BMAL1: variants seen among roughly 807,000 people sequenced by gnomAD.
BMAL1 encodes basic helix-loop-helix ARNT like 1, also known as basic helix-loop-helix ARNT-like protein 1.
chr11:13,286,527 C>G, the BMAL1 span, among the ~76,000 whole-genome samples: 433 of 152,242 alleles, frequency 2.8e-3, 1 homozygote, highest in African/African-American at 9.7e-3. Context: ...CTCACCATAG[C>G]AGGGAAACGT....
At chr11:13,375,681 C>T in the BMAL1 span, 1 of 1,604,096 alleles carries the variant, frequency 6.2e-7, no homozygotes, top group Non-Finnish European at 8.5e-7. Flanking sequence ...TCTTTTATCA[C>T]ACTACGGAGT....
chr11:13,317,188 A>G, the BMAL1 span, among the ~76,000 whole-genome samples: 1 of 152,242 alleles, frequency 6.6e-6, no homozygotes, highest in Non-Finnish European at 1.5e-5. Flanking sequence ...TGGAACAGAT[A>G]TAAAGTCTAA....
At chr11:13,312,739 C>T in the BMAL1 span, among the ~76,000 whole-genome samples, 2 of 152,208 alleles carry the variant, frequency 1.3e-5, no homozygotes, top group African/African-American at 2.4e-5. Flanking sequence ...TCCCCAGCAT[C>T]GTAGCACAGA....
the BMAL1 span, chr11:13,356,446 C>T: frequency 7.0e-6 from 4 of 573,516 alleles, no homozygotes; most frequent in African/African-American, 3.7e-5. Flanking sequence ...ATAAACACTA[C>T]ATATTCCCAA....
the BMAL1 span, among the ~76,000 whole-genome samples, chr11:13,307,046 C>T: frequency 5.0e-3 from 755 of 152,296 alleles, 11 homozygotes; most frequent in African/African-American, 0.017. Flanking sequence ...CCTTTGGACC[C>T]GTCACTGTTG....
chr11:13,297,061 A>G, the BMAL1 span, among the ~76,000 whole-genome samples: 1 of 152,198 alleles, frequency 6.6e-6, no homozygotes, highest in Non-Finnish European at 1.5e-5. Context: ...TTACATAGCC[A>G]CAGCGTGGTA....
At chr11:13,386,893 G>A in the BMAL1 span, 1 of 998,208 alleles carries the variant, frequency 1.0e-6, no homozygotes, top group African/African-American at 1.6e-5. Flanking sequence ...CAGAGCCATT[G>A]ATACAAGTCA....
At chr11:13,356,639 T>C in the BMAL1 span, 6 of 1,407,094 alleles carry the variant, frequency 4.3e-6, no homozygotes, top group Non-Finnish European at 5.9e-6. Context: ...ACTTTATGAT[T>C]GTTTGGTTTC....
At chr11:13,279,869 C>T in the BMAL1 span, among the ~76,000 whole-genome samples, 1 of 152,206 alleles carries the variant, frequency 6.6e-6, no homozygotes, top group Non-Finnish European at 1.5e-5. Flanking sequence ...TAAATTTGTT[C>T]TTTATTCAAC....
At chr11:13,339,975 G>C in the BMAL1 span, among the ~76,000 whole-genome samples, 1 of 152,218 alleles carries the variant, frequency 6.6e-6, no homozygotes, top group Non-Finnish European at 1.5e-5. Flanking sequence ...TTTGTTGAGA[G>C]ACTAATAAGT....
chr11:13,299,953 G>A, the BMAL1 span, among the ~76,000 whole-genome samples: 1 of 152,186 alleles, frequency 6.6e-6, no homozygotes, highest in Non-Finnish European at 1.5e-5. Context: ...TTGAGTGTCC[G>A]AGGGGCTGAA....
At chr11:13,316,532 C>T in the BMAL1 span, among the ~76,000 whole-genome samples, 1 of 152,108 alleles carries the variant, frequency 6.6e-6, no homozygotes, top group Non-Finnish European at 1.5e-5. Flanking sequence ...TTGGTGACTT[C>T]ACAGGGTTGT....
At chr11:13,298,361 C>T in the BMAL1 span, among the ~76,000 whole-genome samples, 13 of 152,196 alleles carry the variant, frequency 8.5e-5, no homozygotes, top group Admixed American at 3.9e-4. Flanking sequence ...CTAGTTAGCT[C>T]ACCTTCTTCA....
the BMAL1 span, chr11:13,366,628 C>T: frequency 3.3e-6 from 5 of 1,537,584 alleles, no homozygotes; most frequent in Non-Finnish European, 4.5e-6. Flanking sequence ...TTTCTGCATG[C>T]AATTGACTTG....
At chr11:13,317,157 A>T in the BMAL1 span, among the ~76,000 whole-genome samples, 1 of 152,338 alleles carries the variant, frequency 6.6e-6, no homozygotes, top group Admixed American at 6.5e-5. Flanking sequence ...ATTATTGTTA[A>T]TAATAATTAT....
chr11:13,366,548 T>C, the BMAL1 span: 2 of 896,558 alleles, frequency 2.2e-6, no homozygotes, highest in Admixed American at 4.0e-5. Context: ...TAGGAAAAGT[T>C]TGAGGTCTCA....
the BMAL1 span, among the ~76,000 whole-genome samples, chr11:13,345,770 A>G: frequency 6.6e-6 from 1 of 152,174 alleles, no homozygotes; most frequent in Non-Finnish European, 1.5e-5. Flanking sequence ...TGGATAGGTT[A>G]TTGTGAAAAT....
chr11:13,298,343 G>A, the BMAL1 span, among the ~76,000 whole-genome samples: 1 of 152,180 alleles, frequency 6.6e-6, no homozygotes, highest in African/African-American at 2.4e-5. Flanking sequence ...CCCCAGAGGT[G>A]TGTATGGCTA....
the BMAL1 span, chr11:13,356,634 A>G: frequency 7.3e-7 from 1 of 1,373,148 alleles, no homozygotes; most frequent in Admixed American, 2.0e-5. Flanking sequence ...TTCGAACTTT[A>G]TGATTGTTTG....
Sources: gnomAD v4.1 joint callset for allele counts (sites outside exome capture counted in the v4.1 genomes callset) on GRCh38, gnomAD v4.1.1 for gene constraint, MANE v1.5 for transcripts, NCBI Gene and HGNC (gene_info 2026-07-23, HGNC 2026-07-21) for gene names.